The following PIAS2 variants were observed in gnomAD, a reference collection of about 807,000 sequenced individuals.
PIAS2 encodes the protein protein inhibitor of activated STAT 2.
A neutral mutation model predicts 69.7 loss-of-function variants in PIAS2; 19 were observed. That is an observed-to-expected ratio of 0.27 (90% CI 0.19 to 0.40). PIAS2 has a LOEUF of 0.40. Ranked by LOEUF, PIAS2 falls within the 10% of genes least tolerant of loss-of-function variation. The probability of loss-of-function intolerance (pLI) is 1.00; values close to 1 mark genes in which losing one functional copy is unlikely to be tolerated. For missense variants in PIAS2, 624 were observed against 757.0 expected (o/e 0.82, Z 2.06); for synonymous variants, 261 against 263.2 (o/e 0.99, Z 0.08).
Position 46,808,303 on chromosome 18 carries a change from ACT to A in PIAS2, c.*4128_*4129del, listed in dbSNP as rs2040808632. ...AGAATCATAGGCAATTAATTGTTAT[ACT>A]TTTCTGTATTGTCTAAATTTTCCAC... On this transcript the variant is annotated 3_prime_UTR_variant, in exon 14 of 14. Coordinates refer to ENST00000585916, the MANE Select transcript of PIAS2 (RefSeq NM_004671.5). The A allele has an allele frequency of 6.6e-6, 1 of 152,234 alleles. No homozygotes were observed. The highest frequency in any genetic ancestry group is 2.4e-5 in the African/African-American group (1 of 41,460). The allele number at this position is 152,234 out of a possible 1,614,324, so 9.4% of individuals were successfully genotyped here.
intron 5 of PIAS2, among the ~76,000 whole-genome samples, chr18:46,850,964 C>A (rs1401420254): frequency 6.6e-6 from 1 of 152,116 alleles, no homozygotes; most frequent in Non-Finnish European, 1.5e-5. Flanking sequence ...TATAAGCACA[C>A]TTACATATTT....
intron 1 of PIAS2, among the ~76,000 whole-genome samples, chr18:46,896,922 T>C (rs2054979790): frequency 6.6e-6 from 1 of 152,240 alleles, no homozygotes; most frequent in Non-Finnish European, 1.5e-5. Context: ...AGTATTTATG[T>C]ATAAAATTAT....
intron 12 of PIAS2, chr18:46,817,661 G>A (rs746758609): frequency 3.0e-5 from 29 of 964,034 alleles, no homozygotes; most frequent in Admixed American, 6.2e-5. Context: ...CTAAAATATT[G>A]GTTGGAATTC....
chr18:46,829,785 G>C lies in PIAS2; in HGVS notation c.1285C>G (p.Pro429Ala), dbSNP rs1221889624. ...QEDGSWCPMR[P>A]KKEAMKVSSQ... ...GATACTTTCATAGCTTCTTTCTTCG[G>C]TCTCATTGGACACCAAGAACCATCT... The change falls in exon 10 of 14, where the codon CCG (proline) becomes GCG (alanine). Residue 429 changes from proline (P) to alanine (A), a missense_variant. Around this residue, in one of 3 missense-constraint regions of PIAS2, gnomAD observed 241 missense variants for 257.3 expected, o/e 0.94. Transcript: ENST00000585916. The C allele has an allele frequency of 6.2e-7, 1 of 1,613,116 alleles. No individual in the cohort carries two copies. The highest frequency in any genetic ancestry group is 8.5e-7 in the Non-Finnish European group (1 of 1,179,404).
At chr18:46,907,338 C>T (rs916756553) in intron 1 of PIAS2, among the ~76,000 whole-genome samples, 3 of 152,170 alleles carry the variant, frequency 2.0e-5, no homozygotes, top group African/African-American at 7.2e-5. Context: ...GACATCATTA[C>T]TTATTAGGGA....
chr18:46,857,760 A>T (rs143045254), intron 3 of PIAS2, among the ~76,000 whole-genome samples: 81 of 152,334 alleles, frequency 5.3e-4, no homozygotes, highest in African/African-American at 1.9e-3. Flanking sequence ...CTTCACAAAC[A>T]TTATGAGTAA....
intron 5 of PIAS2, among the ~76,000 whole-genome samples, chr18:46,852,127 C>G (rs8095524): frequency 6.6e-6 from 1 of 152,178 alleles, no homozygotes; most frequent in African/African-American, 2.4e-5. Flanking sequence ...AGCATACTCA[C>G]GTAATTCTTA....
intron 1 of PIAS2, among the ~76,000 whole-genome samples, chr18:46,896,806 C>T (rs2146088864): frequency 6.6e-6 from 1 of 152,258 alleles, no homozygotes; most frequent in Non-Finnish European, 1.5e-5. Flanking sequence ...CATAAAAGTC[C>T]TCAATGCACC....
intron 5 of PIAS2, among the ~76,000 whole-genome samples, chr18:46,849,405 T>TA (rs2046634090): frequency 6.6e-6 from 1 of 152,208 alleles, no homozygotes; most frequent in Non-Finnish European, 1.5e-5. Flanking sequence ...TTATAAAATA[T>TA]AAAGTTTAGC....
At chr18:46,869,580 C>T (rs1230928766) in intron 2 of PIAS2, among the ~76,000 whole-genome samples, 2 of 152,124 alleles carry the variant, frequency 1.3e-5, no homozygotes, top group African/African-American at 4.8e-5. Flanking sequence ...TGGGAAACAC[C>T]CCACGTAAGA....
intron 1 of PIAS2, chr18:46,904,319 ACTAT>A (rs1297353388): frequency 2.0e-5 from 3 of 152,224 alleles, no homozygotes; most frequent in Non-Finnish European, 4.4e-5. Flanking sequence ...AAGGAGTAAG[ACTAT>A]CAGACTAGAT....
At chr18:46,900,317 C>T (rs2055607031) in intron 1 of PIAS2, among the ~76,000 whole-genome samples, 1 of 151,512 alleles carries the variant, frequency 6.6e-6, no homozygotes, top group Non-Finnish European at 1.5e-5. Context: ...AAGCAGAGAT[C>T]ACGCCACTGC....
chr18:46,863,395 G>A (rs2145592977), intron 3 of PIAS2, among the ~76,000 whole-genome samples: 1 of 152,162 alleles, frequency 6.6e-6, no homozygotes, highest in South Asian at 2.1e-4. Flanking sequence ...GATCACAACA[G>A]CTCACTGCAG....
chr18:46,885,844 C>G (rs955004987), intron 2 of PIAS2, among the ~76,000 whole-genome samples: 1 of 152,226 alleles, frequency 6.6e-6, no homozygotes, highest in Non-Finnish European at 1.5e-5. Flanking sequence ...CAAAATATCT[C>G]TGGCATTATT....
chr18:46,818,174 T>A (rs2041771820), intron 12 of PIAS2: 7 of 1,005,300 alleles, frequency 7.0e-6, no homozygotes, highest in Non-Finnish European at 8.6e-6. Flanking sequence ...TTTTCCTTAT[T>A]TGAGTCATAA....
chr18:46,881,907 G>C (rs1300558244), intron 2 of PIAS2, among the ~76,000 whole-genome samples: 1 of 152,162 alleles, frequency 6.6e-6, no homozygotes, highest in South Asian at 2.1e-4. Flanking sequence ...GACCAGCCTG[G>C]CCGACATGGT....
At chr18:46,887,330 C>T (rs2053378658) in intron 2 of PIAS2, among the ~76,000 whole-genome samples, 1 of 151,676 alleles carries the variant, frequency 6.6e-6, no homozygotes, top group Non-Finnish European at 1.5e-5. Flanking sequence ...CTAGCTCTAC[C>T]CCTCAAAACC....
At chr18:46,845,459 G>A (rs1433549007) in intron 6 of PIAS2, among the ~76,000 whole-genome samples, 1 of 152,040 alleles carries the variant, frequency 6.6e-6, no homozygotes, top group African/African-American at 2.4e-5. Flanking sequence ...GTATTTTATT[G>A]ACAAGCAGCA....
chr18:46,887,347 T>C (rs1192347745), intron 2 of PIAS2, among the ~76,000 whole-genome samples: 2 of 151,834 alleles, frequency 1.3e-5, no homozygotes, highest in Non-Finnish European at 2.9e-5. Flanking sequence ...AACCTTCCGA[T>C]TTAACCAAGA....
Sources: allele counts gnomAD v4.1 joint callset (sites outside exome capture counted in the v4.1 genomes callset), GRCh38; gene constraint gnomAD v4.1.1; regional missense constraint gnomAD v4.1.1; transcripts MANE v1.5; gene names NCBI Gene and HGNC (gene_info 2026-07-23, HGNC 2026-07-21).